The following CHM variants were observed in gnomAD, a reference collection of about 807,000 sequenced individuals.
The protein encoded by CHM is CHM Rab escort protein, also known as rab proteins geranylgeranyltransferase component A 1.
In CHM, 10 loss-of-function variants were observed where a neutral mutation model predicts 49.0. The observed-to-expected ratio is 0.20, with a 90% CI of 0.13 to 0.35. CHM has a LOEUF of 0.35. CHM is among the 10% of genes least tolerant of loss of function. CHM has a pLI of 1.00. For missense variants in CHM, 455 were observed against 478.4 expected (o/e 0.95, Z 0.46); for synonymous variants, 184 against 167.5 (o/e 1.10, Z -0.76).
Position 85,904,277 on chromosome X carries a change from C to T in CHM, c.1245-3089G>A, listed in dbSNP as rs191981724. On this transcript the variant is annotated intron_variant, in intron 9 of 14. Coordinates refer to ENST00000357749, the MANE Select transcript of CHM (RefSeq NM_000390.4). ...TGAGGAGGAACGTAACAGGTGTCTC[C>T]AGTTACAGGGACACAATGACCAAGC... Among the ~76,000 whole-genome samples the T allele has an allele frequency of 2.8e-3, 307 of 111,209 alleles. 1 individual carries two copies. The highest frequency in any genetic ancestry group is 4.0e-3 in the Non-Finnish European group (213 of 52,981).
chrX:86,011,633 T>C (rs140171227), intron 2 of CHM, among the ~76,000 whole-genome samples: 1 of 112,048 alleles, frequency 8.9e-6, no homozygotes, highest in East Asian at 2.8e-4. Flanking sequence ...CAAGTCCTAA[T>C]ACCCAGAAGC....
At chrX:85,939,205 A>C (rs929558562) in intron 8 of CHM, among the ~76,000 whole-genome samples, 4 of 112,044 alleles carry the variant, frequency 3.6e-5, no homozygotes, top group Non-Finnish European at 7.5e-5. Context: ...GAATCACCTA[A>C]TGATGCATTT....
intron 8 of CHM, among the ~76,000 whole-genome samples, chrX:85,949,049 C>G (rs1395208044): frequency 2.0e-4 from 22 of 111,010 alleles, no homozygotes; most frequent in African/African-American, 7.2e-4. Context: ...AGCCACCGCA[C>G]CCGGCAGGAT....
At chrX:86,043,733 C>CT (rs112150895) in intron 1 of CHM, among the ~76,000 whole-genome samples, 4,210 of 101,459 alleles carry the variant, frequency 0.041, 233 homozygotes, top group African/African-American at 0.14. Flanking sequence ...GCCAATGAAA[C>CT]TTTTTTTTTT....
At chrX:85,954,496 C>T (rs189193076) in intron 8 of CHM, among the ~76,000 whole-genome samples, 35 of 111,822 alleles carry the variant, frequency 3.1e-4, no homozygotes, top group African/African-American at 1.1e-3. Context: ...CAGCACTGTT[C>T]ACAATAACCA....
intron 2 of CHM, among the ~76,000 whole-genome samples, chrX:85,983,123 C>T (rs958482294): frequency 3.7e-4 from 41 of 111,379 alleles, no homozygotes; most frequent in Admixed American, 3.4e-3. Flanking sequence ...TTTTACCAAA[C>T]AAATACTGCT....
intron 2 of CHM, among the ~76,000 whole-genome samples, chrX:86,010,232 G>A (rs1406888905): frequency 3.1e-4 from 31 of 98,658 alleles, no homozygotes; most frequent in South Asian, 1.0e-3. Context: ...GAGGGATAGT[G>A]TTAGGAGAAA....
chrX:86,041,217 C>A (rs1012099432), intron 1 of CHM, among the ~76,000 whole-genome samples: 2 of 111,387 alleles, frequency 1.8e-5, no homozygotes. Context: ...GAAATTATGG[C>A]AACAGATGTG....
chrX:85,931,686 A>T (rs1321414078), intron 8 of CHM, among the ~76,000 whole-genome samples: 3 of 111,486 alleles, frequency 2.7e-5, no homozygotes, highest in Non-Finnish European at 3.8e-5. Context: ...CATAGGAGAA[A>T]AAAATGGTGT....
chrX:85,920,412 T>C (rs1327746264), intron 8 of CHM, among the ~76,000 whole-genome samples: 5 of 111,844 alleles, frequency 4.5e-5, no homozygotes, highest in Non-Finnish European at 7.5e-5. Context: ...TGGAAATCTT[T>C]TGTAAGTGGG....
intron 8 of CHM, among the ~76,000 whole-genome samples, chrX:85,942,294 C>T (rs777281177): frequency 3.3e-5 from 3 of 90,500 alleles, no homozygotes; most frequent in Non-Finnish European, 6.4e-5. Context: ...AACCCCAAGT[C>T]TTTAAATCCC....
At chrX:86,029,421 T>G (rs1933958089) in intron 1 of CHM, among the ~76,000 whole-genome samples, 1 of 111,726 alleles carries the variant, frequency 9.0e-6, no homozygotes, top group South Asian at 3.8e-4. Flanking sequence ...GGAAGCAGAA[T>G]TAGTAGTTAA....
At chrX:85,912,787 CG>C (rs1178427661) in intron 8 of CHM, among the ~76,000 whole-genome samples, 1 of 109,853 alleles carries the variant, frequency 9.1e-6, no homozygotes, top group Non-Finnish European at 1.9e-5. Flanking sequence ...CCGAGGCAGG[CG>C]GATCACCTGA....
At chrX:85,890,633 G>C (rs1357379688) in intron 12 of CHM, among the ~76,000 whole-genome samples, 1 of 112,137 alleles carries the variant, frequency 8.9e-6, no homozygotes, top group Non-Finnish European at 1.9e-5. Context: ...CTCCTGCCAT[G>C]ATTCTGAAGC....
intron 2 of CHM, among the ~76,000 whole-genome samples, chrX:86,016,332 G>A (rs1473778160): frequency 9.0e-6 from 1 of 111,576 alleles, no homozygotes; most frequent in African/African-American, 3.3e-5. Flanking sequence ...CAAGACAATG[G>A]GGAAAATGTC....
At chrX:86,008,926 A>G (rs1273287395) in intron 2 of CHM, among the ~76,000 whole-genome samples, 3 of 112,768 alleles carry the variant, frequency 2.7e-5, no homozygotes, top group African/African-American at 9.7e-5. Context: ...TTAAAATATT[A>G]AAGAAAATAT....
intron 8 of CHM, among the ~76,000 whole-genome samples, chrX:85,928,812 C>G (rs909541513): frequency 1.3e-4 from 15 of 111,225 alleles, no homozygotes; most frequent in African/African-American, 3.6e-4. Context: ...CCATGACAGG[C>G]TGGAGGGAGA....
chrX:86,004,056 C>G (rs1249317822), intron 2 of CHM, among the ~76,000 whole-genome samples: 1 of 112,081 alleles, frequency 8.9e-6, no homozygotes, highest in African/African-American at 3.2e-5. Context: ...AGACTAACAG[C>G]GGATCTCTCG....
intron 12 of CHM, among the ~76,000 whole-genome samples, chrX:85,892,225 T>A (rs1218530416): frequency 1.8e-5 from 2 of 110,825 alleles, no homozygotes; most frequent in African/African-American, 6.6e-5. Context: ...AATAAGACTT[T>A]GGGGGACTGT....
Sources: gnomAD v4.1 joint callset for allele counts (sites outside exome capture counted in the v4.1 genomes callset) on GRCh38, gnomAD v4.1.1 for gene constraint, MANE v1.5 for transcripts, NCBI Gene and HGNC (gene_info 2026-07-23, HGNC 2026-07-21) for gene names.